The following MARCHF1 variants were observed in gnomAD, a reference collection of about 807,000 sequenced individuals.
MARCHF1 encodes E3 ubiquitin-protein ligase MARCHF1.
MARCHF1 carries 40 observed loss-of-function variants against 54.2 expected under a neutral mutation model. That is an observed-to-expected ratio of 0.74 (90% CI 0.57 to 0.96). The LOEUF (loss-of-function observed/expected upper bound fraction) is 0.96, where lower values mean the gene tolerates loss of function less well. MARCHF1 is among the 40% of genes least tolerant of loss of function. The pLI, the probability that MARCHF1 is intolerant of heterozygous loss-of-function variation, is 0.00. For synonymous variants in MARCHF1, 236 were observed against 236.3 expected (o/e 1.00, Z 0.01); for missense variants, 586 against 656.5 (o/e 0.89, Z 1.17).
chr4:164,141,193 G>C (rs1756525037), intron 1 of MARCHF1, among the ~76,000 whole-genome samples: 1 of 152,144 alleles, frequency 6.6e-6, no homozygotes. Flanking sequence ...TCCTTCCTTT[G>C]TGGCAAATGT....
At chr4:164,001,033 A>G (rs1753176427) in intron 2 of MARCHF1, among the ~76,000 whole-genome samples, 1 of 151,796 alleles carries the variant, frequency 6.6e-6, no homozygotes, top group Non-Finnish European at 1.5e-5. Context: ...AAAGTGATGG[A>G]CATTTAGACA....
chr4:163,956,283 T>C (rs947831452), intron 3 of MARCHF1, among the ~76,000 whole-genome samples: 1 of 152,166 alleles, frequency 6.6e-6, no homozygotes, highest in African/African-American at 2.4e-5. Flanking sequence ...TCAATAAATA[T>C]TTACTGAAAA....
intron 2 of MARCHF1, among the ~76,000 whole-genome samples, chr4:164,088,800 CAACTT>C (rs1390777639): frequency 6.6e-6 from 1 of 151,916 alleles, no homozygotes; most frequent in Admixed American, 6.6e-5. Flanking sequence ...ATCCAAAAGA[CAACTT>C]AATAAGATAA....
At chr4:164,344,094 G>A (rs1042787082) in intron 1 of MARCHF1, among the ~76,000 whole-genome samples, 9 of 152,116 alleles carry the variant, frequency 5.9e-5, no homozygotes, top group African/African-American at 2.2e-4. Context: ...GGTGCTGGAG[G>A]CCACAATCCT....
chr4:163,623,373 C>T lies in MARCHF1; in HGVS notation c.163-9980G>A, dbSNP rs148299182. Among the ~76,000 whole-genome samples the T allele has an allele frequency of 2.5e-3, 380 of 152,332 alleles. 3 individuals are homozygous for T. The highest frequency in any genetic ancestry group is 8.7e-3 in the African/African-American group (362 of 41,574). ...TCTGGTACACTGGGTCACGACTTCT[C>T]AGTCCACTTCTCATATCAGCTGTAG... On this transcript the variant is annotated intron_variant, in intron 5 of 9. Transcript: ENST00000514618.
chr4:163,775,954 C>T (rs1037514023), intron 4 of MARCHF1, among the ~76,000 whole-genome samples: 1 of 152,056 alleles, frequency 6.6e-6, no homozygotes, highest in African/African-American at 2.4e-5. Flanking sequence ...GGTAAGACAC[C>T]TAGCTGGCAA....
chr4:163,656,519 A>G, intron 5 of MARCHF1, among the ~76,000 whole-genome samples: 1 of 152,022 alleles, frequency 6.6e-6, no homozygotes, highest in East Asian at 1.9e-4. Context: ...TATTCCAAAC[A>G]ATTGAAAAGG....
intron 3 of MARCHF1, among the ~76,000 whole-genome samples, chr4:163,874,972 G>A (rs539511855): frequency 1.3e-5 from 2 of 152,064 alleles, no homozygotes; most frequent in South Asian, 2.1e-4. Context: ...GTCACTCTGA[G>A]GTTTGCTGTT....
At chr4:163,819,242 T>C (rs1288800690) in intron 4 of MARCHF1, among the ~76,000 whole-genome samples, 2 of 152,166 alleles carry the variant, frequency 1.3e-5, no homozygotes, top group Non-Finnish European at 1.5e-5. Context: ...TCCTGATGCA[T>C]AAGCCTTTCA....
At chr4:164,366,742 A>G (rs2110942837) in intron 1 of MARCHF1, among the ~76,000 whole-genome samples, 1 of 151,924 alleles carries the variant, frequency 6.6e-6, no homozygotes, top group East Asian at 1.9e-4. Flanking sequence ...AGCATATTAA[A>G]TTTTTATTTT....
At chr4:163,942,662 T>A (rs528670358) in intron 3 of MARCHF1, among the ~76,000 whole-genome samples, 1 of 152,306 alleles carries the variant, frequency 6.6e-6, no homozygotes, top group Non-Finnish European at 1.5e-5. Flanking sequence ...TGAAGGGATA[T>A]GCATCTTCAA....
At chr4:164,098,013 T>C (rs570657289) in intron 2 of MARCHF1, among the ~76,000 whole-genome samples, 1 of 152,270 alleles carries the variant, frequency 6.6e-6, no homozygotes, top group South Asian at 2.1e-4. Context: ...AGCTCTGTGA[T>C]TATGGGCACT....
At chr4:163,705,487 A>G (rs1391926900) in intron 4 of MARCHF1, among the ~76,000 whole-genome samples, 1 of 152,008 alleles carries the variant, frequency 6.6e-6, no homozygotes, top group Non-Finnish European at 1.5e-5. Flanking sequence ...CCCAAAGAAT[A>G]GAATAAATAG....
At chr4:164,074,722 T>C (rs76455693) in intron 2 of MARCHF1, among the ~76,000 whole-genome samples, 2,796 of 152,086 alleles carry the variant, frequency 0.018, 74 homozygotes, top group African/African-American at 0.063. Flanking sequence ...AGGTTATGTA[T>C]AGTACAAATG....
chr4:164,076,563 T>C (rs1487603747), intron 2 of MARCHF1, among the ~76,000 whole-genome samples: 1 of 152,010 alleles, frequency 6.6e-6, no homozygotes, highest in Non-Finnish European at 1.5e-5. Context: ...GAAAAATAAA[T>C]AAAGGGCATT....
chr4:163,870,319 T>C lies in MARCHF1; in HGVS notation c.-38-16150A>G, dbSNP rs190843964. Among the ~76,000 whole-genome samples, 202 of 152,278 alleles carry C rather than the reference T, an allele frequency of 1.3e-3. 1 individual carries two copies. Among genetic ancestry groups the C allele is most frequent in the African/African-American group, 4.7e-3 (194 of 41,574 alleles). ...AATATTTTCCATTTCAAAAGGTTTA[T>C]CTTTCAAACTGACCCCATTTTTCCA... On this transcript the variant is annotated intron_variant, in intron 3 of 9. Coordinates refer to ENST00000514618, the MANE Select transcript of MARCHF1 (RefSeq NM_001394959.1).
chr4:163,913,611 T>C (rs908229522), intron 3 of MARCHF1, among the ~76,000 whole-genome samples: 2 of 152,176 alleles, frequency 1.3e-5, no homozygotes, highest in Non-Finnish European at 2.9e-5. Context: ...TTTAAGCCTG[T>C]GTAACTTGAT....
chr4:163,658,255 G>T, intron 5 of MARCHF1, among the ~76,000 whole-genome samples: 1 of 151,984 alleles, frequency 6.6e-6, no homozygotes, highest in East Asian at 1.9e-4. Context: ...GACATCAACA[G>T]ATGCTTCTCA....
chr4:163,791,617 G>A (rs759526290), intron 4 of MARCHF1, among the ~76,000 whole-genome samples: 7 of 152,020 alleles, frequency 4.6e-5, no homozygotes, highest in Admixed American at 1.3e-4. Context: ...AGAAACTACC[G>A]GCCCTTTGTT....
Sources: allele counts gnomAD v4.1 joint callset (sites outside exome capture counted in the v4.1 genomes callset), GRCh38; gene constraint gnomAD v4.1.1; transcripts MANE v1.5; gene names NCBI Gene and HGNC (gene_info 2026-07-23, HGNC 2026-07-21).